VWA8: variants seen among roughly 807,000 people sequenced by gnomAD.
VWA8 encodes von Willebrand factor A domain containing 8.
VWA8 carries 221 observed loss-of-function variants against 241.5 expected under a neutral mutation model. The ratio of observed to expected loss-of-function variants is 0.91; its 90% confidence interval spans 0.82 to 1.02. The LOEUF (loss-of-function observed/expected upper bound fraction) is 1.02. VWA8 is among the 50% of genes least tolerant of loss of function. VWA8 has a pLI of 0.00. For synonymous variants in VWA8, 852 were observed against 827.1 expected (o/e 1.03, Z -0.52); for missense variants, 2,322 against 2,328.7 (o/e 1.00, Z 0.06).
At chr13:41,608,488 C>G (rs1325361254) in intron 39 of VWA8, among the ~76,000 whole-genome samples, 1 of 152,178 alleles carries the variant, frequency 6.6e-6, no homozygotes, top group Non-Finnish European at 1.5e-5. Context: ...TGTGGACTAA[C>G]TGCATTTTGT....
chr13:41,854,736 T>C (rs1372920164), intron 12 of VWA8, among the ~76,000 whole-genome samples: 2 of 152,166 alleles, frequency 1.3e-5, no homozygotes, highest in Non-Finnish European at 2.9e-5. Flanking sequence ...TACAGAATGA[T>C]AAGTGCCATG....
At chr13:41,760,992 AGAGAT>A (rs1200029068) in intron 21 of VWA8, 131 bp downstream of exon 21, 30 of 843,650 alleles carry the variant, frequency 3.6e-5, no homozygotes, top group South Asian at 3.0e-4. Context: ...AAAGGAGAGA[AGAGAT>A]AAGAGCAAGA....
chr13:41,569,819 A>G (rs893458902), intron 44 of VWA8, among the ~76,000 whole-genome samples: 1 of 152,178 alleles, frequency 6.6e-6, no homozygotes, highest in Non-Finnish European at 1.5e-5. Flanking sequence ...ACCCACTGGT[A>G]TTTATTGTCT....
intron 43 of VWA8, among the ~76,000 whole-genome samples, chr13:41,571,010 C>G (rs1656551205): frequency 6.6e-6 from 1 of 152,088 alleles, no homozygotes; most frequent in South Asian, 2.1e-4. Context: ...AAATATAAAA[C>G]TTGGTATCAC....
intron 26 of VWA8, among the ~76,000 whole-genome samples, chr13:41,715,026 A>G (rs1185150262): frequency 6.6e-6 from 1 of 151,932 alleles, no homozygotes; most frequent in Non-Finnish European, 1.5e-5. Context: ...AATATTACAT[A>G]TAGCCCAGCT....
chr13:41,606,338 A>G (rs936286182), intron 39 of VWA8, among the ~76,000 whole-genome samples: 1 of 152,202 alleles, frequency 6.6e-6, no homozygotes. Flanking sequence ...ACAACTCAGC[A>G]TTACTTAAAA....
intron 39 of VWA8, among the ~76,000 whole-genome samples, chr13:41,609,944 T>C (rs1215429420): frequency 1.3e-5 from 2 of 152,186 alleles, no homozygotes; most frequent in Non-Finnish European, 2.9e-5. Flanking sequence ...TCTTCCCCTG[T>C]AGGGCAATTG....
chr13:41,703,777 AT>A lies in VWA8; in HGVS notation c.3117-367del, dbSNP rs755091767. On this transcript the variant is annotated intron_variant, in intron 26 of 44. Transcript: ENST00000379310. ...AGCAATCTATCAATTTTTTCAGTCT[AT>A]TTTTTTTTTTTTTTTTGAGACGAAG... is the stretch of plus-strand genomic sequence containing the variant. Among the ~76,000 whole-genome samples the A allele has an allele frequency of 6.7e-3, 894 of 134,004 alleles. 4 individuals are homozygous for A. Among genetic ancestry groups the A allele is most frequent in the African/African-American group, 0.016 (580 of 36,444 alleles). The allele number at this position is 134,004 out of a possible 152,430, so 87.9% of individuals were successfully genotyped here.
chr13:41,648,729 A>G (rs1290634332), intron 37 of VWA8, among the ~76,000 whole-genome samples: 1 of 151,984 alleles, frequency 6.6e-6, no homozygotes, highest in African/African-American at 2.4e-5. Flanking sequence ...TTACCTTCAT[A>G]ATAGCAACAA....
At chr13:41,923,797 T>C (rs568852566) in intron 2 of VWA8, among the ~76,000 whole-genome samples, 3 of 151,270 alleles carry the variant, frequency 2.0e-5, no homozygotes, top group South Asian at 4.2e-4. Flanking sequence ...ATTGCTGAAA[T>C]TGATCATAAC....
At chr13:41,753,189 C>T (rs1593746259) in intron 21 of VWA8, among the ~76,000 whole-genome samples, 1 of 151,990 alleles carries the variant, frequency 6.6e-6, no homozygotes, top group East Asian at 1.9e-4. Context: ...CCCTGGGAGA[C>T]CTGGGAACTC....
At chr13:41,796,304 C>A (rs901106659) in intron 17 of VWA8, among the ~76,000 whole-genome samples, 4 of 152,028 alleles carry the variant, frequency 2.6e-5, no homozygotes, top group African/African-American at 7.2e-5. Flanking sequence ...CAATTTGGTA[C>A]AATTTGACAA....
intron 20 of VWA8, among the ~76,000 whole-genome samples, chr13:41,763,313 ATAGATAGATAG>A (rs1262572672): frequency 0.023 from 2,826 of 120,500 alleles, 42 homozygotes; most frequent in Non-Finnish European, 0.033. Flanking sequence ...AAATAAATAG[ATAGATAGATAG>A]ATAGATAGAT....
intron 16 of VWA8, among the ~76,000 whole-genome samples, chr13:41,811,930 CATGGTCAGTACTCAATA>C (rs1159110088): frequency 6.6e-6 from 1 of 152,136 alleles, no homozygotes; most frequent in Non-Finnish European, 1.5e-5. Flanking sequence ...GAACTCAGGA[CATGGTCAGTACTCAATA>C]AATATTTGTT....
rs554693683 is a variant in VWA8, at chr13:41,670,884, T to C, written c.4611+62A>G. ...CCCAGAAATTTTCATGACTGTGGCA[T>C]CTGGAACTAAATTTATACTTGAATG... On this transcript the variant is annotated intron_variant, in intron 37 of 44. Coordinates refer to ENST00000379310, the MANE Select transcript of VWA8 (RefSeq NM_015058.2). 22 of 1,582,804 alleles carry C rather than the reference T, an allele frequency of 1.4e-5. No homozygotes were observed. The South Asian group carries it at 2.4e-4, about 17-fold the overall frequency.
chr13:41,901,682 T>C (rs1262011819), intron 4 of VWA8, among the ~76,000 whole-genome samples: 2 of 151,568 alleles, frequency 1.3e-5, no homozygotes, highest in Non-Finnish European at 2.9e-5. Context: ...CTGGCCAACA[T>C]GGCAAAACCA....
Position 41,671,100 on chromosome 13 carries a change from T to C in VWA8, c.4457A>G (p.Asp1486Gly). The C allele has an allele frequency of 6.2e-7, 1 of 1,613,940 alleles. No homozygotes were observed. Among genetic ancestry groups the C allele is most frequent in the Non-Finnish European group, 8.5e-7 (1 of 1,179,860 alleles). Reference protein sequence around the residue: ...PYTTWLSTISDTDALLAEWDK... With the variant: ...PYTTWLSTISGTDALLAEWDK... ...CCACTCAGCCAGCAGTGCATCTGTGTCTGAAATGGTCGACAGCCATGTGGT... is the reference window on the plus strand; with the variant it reads ...CCACTCAGCCAGCAGTGCATCTGTGCCTGAAATGGTCGACAGCCATGTGGT... Residue 1486 changes from aspartate to glycine, a missense_variant, in exon 37 of 45, where the codon GAC becomes GGC. Transcript: ENST00000379310.
intron 21 of VWA8, among the ~76,000 whole-genome samples, chr13:41,760,518 T>C (rs1351879293): frequency 6.6e-6 from 1 of 151,958 alleles, no homozygotes; most frequent in Non-Finnish European, 1.5e-5. Flanking sequence ...ACTTGATATA[T>C]TTCTTGACTT....
intron 2 of VWA8, among the ~76,000 whole-genome samples, chr13:41,914,655 T>C (rs980853154): frequency 6.6e-6 from 1 of 152,216 alleles, no homozygotes; most frequent in Non-Finnish European, 1.5e-5. Flanking sequence ...ATTAAAAACT[T>C]AAAAACACTT....
Sources: allele counts gnomAD v4.1 joint callset (sites outside exome capture counted in the v4.1 genomes callset), GRCh38; gene constraint gnomAD v4.1.1; transcripts MANE v1.5; gene names NCBI Gene and HGNC (gene_info 2026-07-23, HGNC 2026-07-21).